OLFML2B: variants seen among roughly 807,000 people sequenced by gnomAD.
The protein encoded by OLFML2B is olfactomedin-like protein 2B.
A neutral mutation model predicts 74.9 loss-of-function variants in OLFML2B; 57 were observed. The observed-to-expected ratio is 0.76, with a 90% confidence interval of 0.61 to 0.95. The LOEUF (loss-of-function observed/expected upper bound fraction) is 0.95. Among genes scored for constraint, OLFML2B ranks in the 40% least tolerant of loss-of-function variants. OLFML2B has a pLI of 0.00. For missense variants in OLFML2B, 986 were observed against 970.6 expected (o/e 1.02, Z -0.21); for synonymous variants, 388 against 405.8 (o/e 0.96, Z 0.53).
intron 6 of OLFML2B, among the ~76,000 whole-genome samples, chr1:161,993,915 T>G (rs1259416317): frequency 1.3e-5 from 2 of 152,230 alleles, no homozygotes; most frequent in African/African-American, 4.8e-5. Flanking sequence ...AGTGACCACT[T>G]CTTGCTCACT....
intron 1 of OLFML2B, among the ~76,000 whole-genome samples, chr1:162,020,662 G>T (rs1690678559): frequency 6.6e-6 from 1 of 152,048 alleles, no homozygotes; most frequent in African/African-American, 2.4e-5. Flanking sequence ...AAGTAGCTGG[G>T]ATTATAGGCA....
chr1:161,985,056 C>CGAG, intron 6 of OLFML2B, 76 bp from the exon 7 acceptor site: 1 of 1,461,842 alleles, frequency 6.8e-7, no homozygotes, highest in South Asian at 1.3e-5. Flanking sequence ...GCTGTTCATC[C>CGAG]ATTTAGAGTC....
At chr1:162,009,947 T>C (rs1337689197) in intron 3 of OLFML2B, among the ~76,000 whole-genome samples, 1 of 152,366 alleles carries the variant, frequency 6.6e-6, no homozygotes, top group Non-Finnish European at 1.5e-5. Flanking sequence ...CATGACCTCA[T>C]GCCTCAGGCT....
chr1:161,999,247 C>T (rs1571295083), intron 5 of OLFML2B, among the ~76,000 whole-genome samples: 1 of 152,136 alleles, frequency 6.6e-6, no homozygotes, highest in East Asian at 1.9e-4. Flanking sequence ...ACTTCATGTG[C>T]TCATCAAAAA....
Position 162,000,308 on chromosome 1 carries a change from C to T in OLFML2B, c.754G>A (p.Val252Met), listed in dbSNP as rs750492409. 5.6e-6 allele frequency: 9 copies of T among 1,612,744 alleles called. No homozygotes were observed. The East Asian group carries it at 8.9e-5, about 16-fold the overall frequency. The change falls in exon 5 of 8, where the codon GTG (valine) becomes ATG (methionine). Residue 252 changes from valine (V) to methionine (M), a missense_variant. Physicochemically the swap from Val to Met is conservative, Grantham distance 21. Transcript: ENST00000294794. The stretch of plus-strand genomic sequence containing the variant: ...TCGATGGAGTTGATCTGCTGGGACA[C>T]GGTTTCTTCCTGCAGAAACCGCTCT... ...YEERFLQEETVSQQINSIELL... is the reference protein window; with the variant it reads ...YEERFLQEETMSQQINSIELL...
intron 6 of OLFML2B, among the ~76,000 whole-genome samples, chr1:161,986,951 T>C (rs1252724250): frequency 6.6e-6 from 1 of 152,226 alleles, no homozygotes; most frequent in Non-Finnish European, 1.5e-5. Context: ...AAATTGCAGA[T>C]GGACTCTTGA....
intron 3 of OLFML2B, among the ~76,000 whole-genome samples, chr1:162,016,618 A>C (rs1388891210): frequency 6.6e-6 from 1 of 152,254 alleles, no homozygotes; most frequent in Non-Finnish European, 1.5e-5. Flanking sequence ...GGTGCGAGTC[A>C]ATGAAACATA....
chr1:162,005,470 A>G (rs778542260), intron 4 of OLFML2B, among the ~76,000 whole-genome samples: 13 of 152,218 alleles, frequency 8.5e-5, no homozygotes, highest in Non-Finnish European at 1.8e-4. Flanking sequence ...TAGAGCTGTG[A>G]CGACAGCCAC....
intron 4 of OLFML2B, among the ~76,000 whole-genome samples, chr1:162,002,437 G>A (rs1806532): frequency 6.6e-6 from 1 of 152,142 alleles, no homozygotes; most frequent in Non-Finnish European, 1.5e-5. Flanking sequence ...CCCAGTGCCC[G>A]GAGGCAGGGC....
chr1:162,002,651 C>A (rs963417707), intron 4 of OLFML2B, among the ~76,000 whole-genome samples: 1 of 152,210 alleles, frequency 6.6e-6, no homozygotes, highest in Non-Finnish European at 1.5e-5. Context: ...CTGGATGGCA[C>A]AACCAATGGG....
chr1:162,023,141 T>C lies in OLFML2B; in HGVS notation c.174+116A>G, dbSNP rs925493417. 1.4e-5 allele frequency: 14 copies of C among 990,426 alleles called. No homozygotes were observed. In the African/African-American group the frequency reaches 2.3e-4, roughly 16 times the overall value. The allele number at this position is 990,426 out of a possible 1,614,324, so 61.4% of individuals were successfully genotyped here. On this transcript the variant is annotated intron_variant, in intron 1 of 7. Coordinates refer to ENST00000294794, the MANE Select transcript of OLFML2B (RefSeq NM_015441.3). ...CCGATACATGAAAAATCAAAAGCCC[T>C]TTCCATTGGTAATGGAAGGAAAAAC...
Position 162,007,756 on chromosome 1 carries a change from C to T in OLFML2B, c.547-1283G>A, listed in dbSNP as rs1462135929. Among the ~76,000 whole-genome samples, 12 of 152,264 alleles carry T rather than the reference C, an allele frequency of 7.9e-5. No individual in the cohort carries two copies. The East Asian group carries it at 1.5e-3, about 20-fold the overall frequency. ...TCCAGGCTGTGACACCCAGACACCG[C>T]GGCTCCAGAGTCTCCTACAGGGGCT... is the stretch of plus-strand genomic sequence containing the variant. On this transcript the variant is annotated intron_variant, in intron 3 of 7. Transcript: ENST00000294794.
At position 161,998,302 on chromosome 1, in the gene OLFML2B, C is replaced by T; in HGVS notation, c.997G>A (p.Asp333Asn). The T allele has an allele frequency of 1.9e-6, 3 of 1,585,596 alleles. No individual in the cohort carries two copies. The highest frequency in any genetic ancestry group is 2.6e-6 in the Non-Finnish European group (3 of 1,159,920). Residue 333 changes from aspartate to asparagine, a missense_variant, in exon 6 of 8, where the codon GAT (aspartate) becomes AAT (asparagine). Transcript: ENST00000294794. ...AGGCCGTTGTGTCTCAGGAGCTGAT[C>T]TTCAATCAGCAAATCCACTCCATTG... ...GDNGVDLLIE[D>N]QLLRHNGLMT...
chr1:161,992,704 C>A (rs572908786), intron 6 of OLFML2B, among the ~76,000 whole-genome samples: 2 of 152,246 alleles, frequency 1.3e-5, no homozygotes, highest in Non-Finnish European at 2.9e-5. Context: ...CCAGGGAATG[C>A]CAGTTGGGGG....
chr1:161,994,887 T>A (rs1279971979), intron 6 of OLFML2B, among the ~76,000 whole-genome samples: 1 of 152,248 alleles, frequency 6.6e-6, no homozygotes, highest in Non-Finnish European at 1.5e-5. Flanking sequence ...AAATCTTTCT[T>A]TTAAAATTAG....
intron 3 of OLFML2B, among the ~76,000 whole-genome samples, chr1:162,013,882 A>G: frequency 7.6e-6 from 1 of 130,848 alleles, no homozygotes; most frequent in Non-Finnish European, 1.6e-5. Flanking sequence ...AGTTGAGTGA[A>G]AAAAGCCCAA....
At chr1:162,020,636 C>A (rs1294360474) in intron 1 of OLFML2B, among the ~76,000 whole-genome samples, 3 of 151,928 alleles carry the variant, frequency 2.0e-5, no homozygotes, top group African/African-American at 7.3e-5. Flanking sequence ...AAGTGATTCT[C>A]CTGCCTCAGC....
At chr1:162,017,328 T>G in intron 3 of OLFML2B, 72 bp downstream of exon 3, 1 of 1,166,234 alleles carries the variant, frequency 8.6e-7, no homozygotes, top group Non-Finnish European at 1.3e-6. Flanking sequence ...TAGCTGAAAA[T>G]TTACTGTGGG....
intron 6 of OLFML2B, among the ~76,000 whole-genome samples, chr1:161,989,320 A>G (rs1466298849): frequency 2.6e-5 from 4 of 152,198 alleles, no homozygotes; most frequent in African/African-American, 9.6e-5. Flanking sequence ...TCAAACTCAG[A>G]TGCCTACAGG....
Sources: allele counts gnomAD v4.1 joint callset (sites outside exome capture counted in the v4.1 genomes callset), GRCh38; gene constraint gnomAD v4.1.1; transcripts MANE v1.5; gene names NCBI Gene and HGNC (gene_info 2026-07-23, HGNC 2026-07-21).